Variants in CARNMT1 observed in about 807,000 individuals in gnomAD.
CARNMT1 encodes carnosine N-methyltransferase 1.
In CARNMT1, 28 loss-of-function variants were observed where a neutral mutation model predicts 49.6. That is an observed-to-expected ratio of 0.56 (90% CI 0.42 to 0.77). The LOEUF is 0.77. Among genes scored for constraint, CARNMT1 ranks in the 30% least tolerant of loss-of-function variants. CARNMT1 has a pLI of 0.00. For missense variants in CARNMT1, 421 were observed against 512.6 expected, an observed-to-expected ratio of 0.82 and a Z score of 1.73; for synonymous variants, 178 against 175.0, an observed-to-expected ratio of 1.02 and a Z score of -0.13.
chr9:74,989,869 GAGATGTCAGAATTATC>G (rs1464752359), intron 6 of CARNMT1, among the ~76,000 whole-genome samples: 16 of 152,172 alleles, frequency 1.1e-4, no homozygotes, highest in Non-Finnish European at 1.8e-4. Context: ...GCAAAGACTT[GAGATGTCAGAATTATC>G]AGAAATAATA....
chr9:75,027,273 G>A, intron 1 of CARNMT1: 2 of 560,122 alleles, frequency 3.6e-6, no homozygotes, highest in Non-Finnish European at 4.5e-6. Flanking sequence ...TGAATGAGGA[G>A]CATAAAGGTC....
At chr9:75,016,234 T>C (rs375058342) in intron 3 of CARNMT1, 34 bp downstream of exon 3, 1 of 1,523,914 alleles carries the variant, frequency 6.6e-7, no homozygotes. Flanking sequence ...TTCATACACT[T>C]TAAAAACTTG....
At position 74,983,820 on chromosome 9, in the gene CARNMT1, T is replaced by C. The variant is rs1587648665; in HGVS notation, c.1177A>G (p.Met393Val). The C allele has an allele frequency of 3.1e-6, 5 of 1,609,110 alleles. No individual in the cohort carries two copies. Among genetic ancestry groups the C allele is most frequent in the Non-Finnish European group, 2.5e-6 (3 of 1,177,252 alleles). The part of the protein sequence containing the change: ...LSTYTVNDLS[M>V]MKYYYECVLF... Reference sequence around the variant, plus strand: ...ACACATTCATAGTAGTATTTCATCATAGAGAGATCATTCACAGTATATGTT... The same window carrying C: ...ACACATTCATAGTAGTATTTCATCACAGAGAGATCATTCACAGTATATGTT... Residue 393 changes from methionine (M) to valine (V), a missense_variant, in exon 8 of 8, where the codon ATG becomes GTG. By Grantham distance (21) the Met-to-Val change is conservative. This residue lies in a region of CARNMT1 where 235 missense variants were observed against 344.8 expected (regional missense o/e 0.68). Transcript: ENST00000376834.
intron 6 of CARNMT1, chr9:74,991,753 GT>G (rs1393414305): frequency 6.6e-6 from 1 of 151,980 alleles, no homozygotes; most frequent in Non-Finnish European, 1.5e-5. Flanking sequence ...ACAGCACCTC[GT>G]TTTCCAGAGT....
chr9:75,001,316 A>ATTGT (rs907458038), intron 3 of CARNMT1, among the ~76,000 whole-genome samples: 44 of 152,340 alleles, frequency 2.9e-4, no homozygotes, highest in African/African-American at 9.6e-4. Flanking sequence ...CTGTGACATA[A>ATTGT]TGTTAACAAC....
intron 5 of CARNMT1, among the ~76,000 whole-genome samples, chr9:74,997,226 C>T (rs893547246): frequency 5.3e-5 from 8 of 152,098 alleles, no homozygotes; most frequent in Non-Finnish European, 1.0e-4. Flanking sequence ...TTTTACTTGC[C>T]TAAGTGATGT....
In CARNMT1 at chr9:74,983,844, T is replaced by C; in HGVS notation, c.1153A>G (p.Thr385Ala). 6.3e-7 allele frequency: 1 copy of C among 1,599,826 alleles called. No homozygotes were observed. The highest frequency in any genetic ancestry group is 8.5e-7 in the Non-Finnish European group (1 of 1,172,884). ...ATAGAGAGATCATTCACAGTATATG[T>C]TGACAATACAGATTCTTTTTCCACC... ...VEVEKESVLSTYTVNDLSMMK... is the reference protein window; with the variant it reads ...VEVEKESVLSAYTVNDLSMMK... The change falls in exon 8 of 8, where the codon ACA becomes GCA. Residue 385 changes from threonine (T) to alanine (A), a missense_variant. Around this residue, in one of 2 missense-constraint regions of CARNMT1, gnomAD observed 235 missense variants for 344.8 expected, o/e 0.68. Coordinates refer to ENST00000376834, the MANE Select transcript of CARNMT1 (RefSeq NM_152420.3).
chr9:75,017,147 C>T lies in CARNMT1; in HGVS notation c.426+106G>A, dbSNP rs574484185. The T allele has an allele frequency of 8.7e-6, 7 of 808,180 alleles. No individual in the cohort carries two copies. The South Asian group carries it at 1.1e-4, about 13-fold the overall frequency. The allele number at this position is 808,180 out of a possible 1,614,324, so 50.1% of individuals were successfully genotyped here. On this transcript the variant is annotated intron_variant, in intron 2 of 7. Coordinates refer to ENST00000376834, the MANE Select transcript of CARNMT1 (RefSeq NM_152420.3). Reference sequence around the variant, plus strand: ...TTAAGTTAAAACTTTCTGAGTAGAGCAAATAGCCTGTGCCAGATTATAAAA... The same window carrying T: ...TTAAGTTAAAACTTTCTGAGTAGAGTAAATAGCCTGTGCCAGATTATAAAA...
intron 6 of CARNMT1, chr9:74,991,571 T>G (rs1447282579): frequency 6.6e-6 from 1 of 152,222 alleles, no homozygotes; most frequent in East Asian, 1.9e-4. Context: ...CCATTCTATA[T>G]GAGGACACGC....
intron 3 of CARNMT1, among the ~76,000 whole-genome samples, chr9:75,011,591 TTCC>T (rs1833692830): frequency 1.3e-5 from 2 of 152,184 alleles, no homozygotes; most frequent in Admixed American, 6.5e-5. Flanking sequence ...TGGTCTTGAA[TTCC>T]TGGCCTCAAG....
chr9:75,027,984 G>A (rs1430317947), intron 1 of CARNMT1, 28 bp downstream of exon 1: 3 of 1,546,122 alleles, frequency 1.9e-6, no homozygotes, highest in Non-Finnish European at 1.7e-6. Flanking sequence ...CCGACGGTCT[G>A]GGCCGGGGTC....
In CARNMT1 at chr9:75,017,422, C is replaced by T. The variant is rs773256765; in HGVS notation, c.257G>A (p.Arg86Gln). ...AAGTGATCGAAACTGTCTTTCTGTT[C>T]GGTTCACCCGCTCATGCATACTGGT... Reference protein sequence around the residue: ...YGTSMHERVNRTERQFRSLPA... With the variant: ...YGTSMHERVNQTERQFRSLPA... Residue 86 changes from arginine to glutamine, a missense_variant, in exon 2 of 8, where the codon CGA becomes CAA. Arg to Gln is a conservative substitution (Grantham distance 43). Transcript: ENST00000376834. 2.5e-6 allele frequency: 4 copies of T among 1,613,898 alleles called. No individual in the cohort carries two copies. The highest frequency in any genetic ancestry group is 3.4e-6 in the Non-Finnish European group (4 of 1,179,976).
intron 1 of CARNMT1, among the ~76,000 whole-genome samples, chr9:75,017,731 A>G (rs941873317): frequency 2.0e-5 from 3 of 152,240 alleles, no homozygotes; most frequent in Non-Finnish European, 4.4e-5. Context: ...ATGTACAATT[A>G]ATTTATTTTT....
intron 1 of CARNMT1, among the ~76,000 whole-genome samples, chr9:75,022,212 A>C (rs1389400293): frequency 9.0e-6 from 1 of 111,250 alleles, no homozygotes; most frequent in African/African-American, 3.1e-5. Flanking sequence ...GAGAAGGAAT[A>C]CTTTTTTTTT....
intron 6 of CARNMT1, among the ~76,000 whole-genome samples, chr9:74,989,446 G>GTTGTACA (rs1480095486): frequency 5.9e-5 from 9 of 152,210 alleles, no homozygotes; most frequent in African/African-American, 2.2e-4. Flanking sequence ...GCATATTTAT[G>GTTGTACA]TTGTACAGCC....
chr9:74,999,049 A>T (rs1833281628), intron 4 of CARNMT1, among the ~76,000 whole-genome samples: 1 of 152,158 alleles, frequency 6.6e-6, no homozygotes, highest in Non-Finnish European at 1.5e-5. Flanking sequence ...TAAACTTCAA[A>T]ACCAAGTAAT....
chr9:74,995,547 G>A (rs924568831), intron 6 of CARNMT1, among the ~76,000 whole-genome samples: 1 of 152,154 alleles, frequency 6.6e-6, no homozygotes, highest in Non-Finnish European at 1.5e-5. Context: ...GAATTCTTAA[G>A]AGAAGTTTGC....
chr9:74,990,546 T>C (rs1194665417), intron 6 of CARNMT1, among the ~76,000 whole-genome samples: 3 of 152,222 alleles, frequency 2.0e-5, no homozygotes, highest in African/African-American at 4.8e-5. Context: ...TACACGCATA[T>C]ACATGATTTT....
intron 6 of CARNMT1, among the ~76,000 whole-genome samples, chr9:74,988,447 A>C (rs1832915541): frequency 6.6e-6 from 1 of 152,174 alleles, no homozygotes; most frequent in Non-Finnish European, 1.5e-5. Flanking sequence ...CTTCATTAGG[A>C]ACATTTCTCT....
Sources: gnomAD v4.1 joint callset for allele counts (sites outside exome capture counted in the v4.1 genomes callset) on GRCh38, gnomAD v4.1.1 for gene constraint, gnomAD v4.1.1 regional missense constraint, MANE v1.5 for transcripts, NCBI Gene and HGNC (gene_info 2026-07-23, HGNC 2026-07-21) for gene names.